Variants in MATCAP2 observed in about 807,000 individuals in gnomAD.
MATCAP2 encodes the protein microtubule associated tyrosine carboxypeptidase 2, also known as putative tyrosine carboxypeptidase MATCAP2.
the MATCAP2 span, among the ~76,000 whole-genome samples, chr7:36,343,469 GGA>G: frequency 1.1e-3 from 1 of 928 alleles, no homozygotes; most frequent in African/African-American, 4.7e-3. Context: ...AGAGGGGAGG[GGA>G]GAGGGGAGGG....
At chr7:36,326,910 A>G in the MATCAP2 span, 2 of 1,600,858 alleles carry the variant, frequency 1.2e-6, no homozygotes, top group East Asian at 2.2e-5. Context: ...CCACATCTTC[A>G]TAAGAAACCT....
the MATCAP2 span, among the ~76,000 whole-genome samples, chr7:36,364,001 A>G: frequency 6.6e-6 from 1 of 151,684 alleles, no homozygotes; most frequent in African/African-American, 2.4e-5. Flanking sequence ...TAATTAATCT[A>G]TATTTTAGAA....
At chr7:36,356,757 G>A in the MATCAP2 span, 49 of 714,118 alleles carry the variant, frequency 6.9e-5, no homozygotes, top group Non-Finnish European at 9.2e-5. Context: ...TCGTCTTGTC[G>A]CACATTTACA....
the MATCAP2 span, among the ~76,000 whole-genome samples, chr7:36,339,920 C>T: frequency 4.6e-5 from 7 of 152,172 alleles, no homozygotes; most frequent in Non-Finnish European, 8.8e-5. Flanking sequence ...CTCACTGCAG[C>T]CTCCACCTTC....
At chr7:36,337,098 CAAAAAAA>C in the MATCAP2 span, among the ~76,000 whole-genome samples, 267 of 18,528 alleles carry the variant, frequency 0.014, 12 homozygotes, top group South Asian at 0.02. Flanking sequence ...AACTCCATCT[CAAAAAAA>C]AAAAAAAAAA....
chr7:36,325,542 T>A, the MATCAP2 span: 67 of 152,336 alleles, frequency 4.4e-4, no homozygotes, highest in African/African-American at 1.3e-3. Context: ...GAGGTAAAGA[T>A]AAACTCTCAG....
the MATCAP2 span, among the ~76,000 whole-genome samples, chr7:36,378,680 G>A: frequency 6.6e-6 from 1 of 152,256 alleles, no homozygotes; most frequent in Non-Finnish European, 1.5e-5. Flanking sequence ...GCTGCCTTTT[G>A]TTCGGCTCTG....
At chr7:36,337,124 A>AAAAAAAAAAAAAAAAAAAC in the MATCAP2 span, among the ~76,000 whole-genome samples, 1 of 145,212 alleles carries the variant, frequency 6.9e-6, no homozygotes, top group Non-Finnish European at 1.5e-5. Context: ...AAAAAAAAAA[A>AAAAAAAAAAAAAAAAAAAC]AGCAATCAGT....
chr7:36,333,025 A>C, the MATCAP2 span, among the ~76,000 whole-genome samples: 1 of 152,128 alleles, frequency 6.6e-6, no homozygotes, highest in African/African-American at 2.4e-5. Flanking sequence ...TTATAAATAA[A>C]ACTCCCATCT....
the MATCAP2 span, chr7:36,333,904 C>A: frequency 6.2e-7 from 1 of 1,614,108 alleles, no homozygotes; most frequent in East Asian, 2.2e-5. Context: ...ACACAATAAT[C>A]CCATCTTGTA....
At chr7:36,365,634 G>A in the MATCAP2 span, among the ~76,000 whole-genome samples, 1 of 152,214 alleles carries the variant, frequency 6.6e-6, no homozygotes, top group East Asian at 1.9e-4. Flanking sequence ...GGGAGGTGGA[G>A]ATTGCAGTGA....
At chr7:36,352,413 A>AC in the MATCAP2 span, among the ~76,000 whole-genome samples, 1 of 151,574 alleles carries the variant, frequency 6.6e-6, no homozygotes, top group Non-Finnish European at 1.5e-5. Flanking sequence ...AAAAAAAAAA[A>AC]AAAAAAGAAC....
At chr7:36,326,399 T>C in the MATCAP2 span, 1 of 158,826 alleles carries the variant, frequency 6.3e-6, no homozygotes, top group Non-Finnish European at 1.4e-5. Flanking sequence ...ATTCAGCCAG[T>C]CTCCAGTTGG....
chr7:36,353,883 A>AT, the MATCAP2 span, among the ~76,000 whole-genome samples: 1 of 152,156 alleles, frequency 6.6e-6, no homozygotes, highest in Non-Finnish European at 1.5e-5. Flanking sequence ...CAAAACTCAC[A>AT]TGAACTTAAG....
chr7:36,375,941 T>G, the MATCAP2 span, among the ~76,000 whole-genome samples: 4 of 152,232 alleles, frequency 2.6e-5, no homozygotes, highest in Non-Finnish European at 4.4e-5. Flanking sequence ...GATATCCCCT[T>G]TATCATTTTT....
chr7:36,382,237 G>T, the MATCAP2 span, among the ~76,000 whole-genome samples: 9 of 147,334 alleles, frequency 6.1e-5, no homozygotes, highest in Admixed American at 6.2e-4. Flanking sequence ...AACCTGGAAG[G>T]CGGAGGTTGC....
At chr7:36,384,514 C>T in the MATCAP2 span, among the ~76,000 whole-genome samples, 1 of 152,232 alleles carries the variant, frequency 6.6e-6, no homozygotes, top group Middle Eastern at 3.4e-3. Flanking sequence ...TGCTGGGTTA[C>T]AGCTATAAAC....
At chr7:36,350,531 CCTTTT>C in the MATCAP2 span, among the ~76,000 whole-genome samples, 114 of 87,930 alleles carry the variant, frequency 1.3e-3, no homozygotes, top group South Asian at 5.0e-3. Context: ...GGACTGTGTT[CCTTTT>C]TTTTTTTTTT....
the MATCAP2 span, among the ~76,000 whole-genome samples, chr7:36,340,159 C>T: frequency 5.3e-5 from 8 of 152,314 alleles, no homozygotes; most frequent in East Asian, 9.6e-4. Flanking sequence ...TGAGCCACCG[C>T]GCTTGGCCTG....
Sources: gnomAD v4.1 joint callset for allele counts (sites outside exome capture counted in the v4.1 genomes callset) on GRCh38, gnomAD v4.1.1 for gene constraint, MANE v1.5 for transcripts, NCBI Gene and HGNC (gene_info 2026-07-23, HGNC 2026-07-21) for gene names.